The following MANSC4 variants were observed in gnomAD, a reference collection of about 807,000 sequenced individuals.
The protein encoded by MANSC4 is MANSC domain-containing protein 4.
MANSC4 carries 11 observed loss-of-function variants against 11.4 expected under a neutral mutation model. The observed-to-expected ratio is 0.97, with a 90% CI of 0.61 to 1.60. The LOEUF (loss-of-function observed/expected upper bound fraction) is 1.60, where lower values mean the gene tolerates loss of function less well. MANSC4 is among the 40% of genes most tolerant of loss of function. The pLI, the probability that MANSC4 is intolerant of heterozygous loss-of-function variation, is 0.00. For synonymous variants in MANSC4, 123 were observed against 147.1 expected (o/e 0.84, Z 1.19); for missense variants, 354 against 404.6 (o/e 0.88, Z 1.07).
At chr12:27,763,894 C>A (rs2062059819) in intron 3 of MANSC4, among the ~76,000 whole-genome samples, 1 of 151,080 alleles carries the variant, frequency 6.6e-6, no homozygotes, top group African/African-American at 2.5e-5. Context: ...CCACGCCCAG[C>A]TAATTTTTGT....
Position 27,763,396 on chromosome 12 carries a change from C to A in MANSC4, c.365G>T (p.Gly122Val). 2.0e-6 allele frequency: 3 copies of A among 1,532,756 alleles called. No homozygotes were observed. Among genetic ancestry groups the A allele is most frequent in the East Asian group, 2.5e-5 (1 of 40,756 alleles). The allele number at this position is 1,532,756 out of a possible 1,614,324, so 94.9% of individuals were successfully genotyped here. The change falls in exon 4 of 4, where the codon GGT (glycine) becomes GTT (valine). Residue 122 changes from glycine (G) to valine (V), a missense_variant and splice_region_variant. Physicochemically the swap from Gly to Val is moderately radical, Grantham distance 109. Coordinates refer to ENST00000381273, the MANE Select transcript of MANSC4 (RefSeq NM_001146221.5). ...TSAILYNITD[G>V]IDPDLLVFEQ... ...AAAAACCAGCAAATCCGGATCTATA[C>A]CTGAAAAATAAATAAGGCATCATTC...
At position 27,771,082 on chromosome 12, in the gene MANSC4, C is replaced by G. The variant is rs1356918768; in HGVS notation, c.195G>C (p.Gln65His). The stretch of plus-strand genomic sequence containing the variant: ...GAAGACAGCAGCTCCTACTGCACTT[C>G]TGGCCAGTGCTTTCAGAATAATACT... ...FLKYYSESTG[Q>H]KCSRSCCLRK... is the part of the protein sequence containing the mutation. Residue 65 changes from glutamine (Q) to histidine (H), a missense_variant, in exon 2 of 4, where the codon CAG becomes CAC. Gln to His is a conservative substitution (Grantham distance 24). Transcript: ENST00000381273. 2 of 1,551,754 alleles carry G rather than the reference C, an allele frequency of 1.3e-6. No individual in the cohort carries two copies. Among genetic ancestry groups the G allele is most frequent in the African/African-American group, 1.4e-5 (1 of 73,188 alleles).
intron 3 of MANSC4, among the ~76,000 whole-genome samples, chr12:27,763,835 A>G (rs1232041532): frequency 1.3e-5 from 2 of 152,076 alleles, no homozygotes; most frequent in African/African-American, 2.4e-5. Flanking sequence ...GGTTCAAACA[A>G]TCCTCTCACC....
chr12:27,766,522 T>G, intron 3 of MANSC4, 143 bp downstream of exon 3: 1 of 838,930 alleles, frequency 1.2e-6, no homozygotes, highest in Non-Finnish European at 1.8e-6. Flanking sequence ...CTGTCCTAGA[T>G]ATCCAAAATT....
rs868413222 is a variant in MANSC4, at chr12:27,768,417, A to G, written c.230-1618T>C. Among the ~76,000 whole-genome samples the G allele has an allele frequency of 7.7e-3, 731 of 95,490 alleles. 4 individuals carry two copies. Among genetic ancestry groups the G allele is most frequent in the African/African-American group, 0.014 (450 of 31,752 alleles). The allele number at this position is 95,490 out of a possible 152,430, so 62.6% of individuals were successfully genotyped here. A position where few individuals can be genotyped will look rare whatever the true frequency, so the allele number is the denominator to read the frequency against. On this transcript the variant is annotated intron_variant, in intron 2 of 3. Transcript: ENST00000381273. ...GACTCTGTCTCAAAAAAAAAAAAAA[A>G]AAAAAGAAAAAGAAAAAGAAAAAGA...
intron 1 of MANSC4, among the ~76,000 whole-genome samples, chr12:27,777,192 A>G (rs1004391601): frequency 1.3e-5 from 2 of 152,208 alleles, no homozygotes; most frequent in African/African-American, 4.8e-5. Context: ...TGCCTTTCTA[A>G]TGCACATCAT....
chr12:27,768,402 C>CA (rs201953091), intron 2 of MANSC4, among the ~76,000 whole-genome samples: 22,715 of 108,900 alleles, frequency 0.21, 2,990 homozygotes, highest in South Asian at 0.27. Context: ...GACTCTGTCT[C>CA]AAAAAAAAAA....
intron 3 of MANSC4, among the ~76,000 whole-genome samples, chr12:27,763,979 C>T (rs921789458): frequency 1.3e-5 from 2 of 152,112 alleles, no homozygotes; most frequent in African/African-American, 2.4e-5. Context: ...GCGATCCGCC[C>T]GCCTCGGCCT....
At chr12:27,767,471 A>AG (rs1222855461) in intron 2 of MANSC4, among the ~76,000 whole-genome samples, 3 of 152,134 alleles carry the variant, frequency 2.0e-5, no homozygotes, top group South Asian at 4.1e-4. Context: ...TGGGAGGCCG[A>AG]GGGGGGCAGA....
chr12:27,774,972 T>C (rs550613906), intron 1 of MANSC4, among the ~76,000 whole-genome samples: 1 of 151,960 alleles, frequency 6.6e-6, no homozygotes, highest in Admixed American at 6.6e-5. Context: ...TGCAGTGAGC[T>C]GAGATCGCGC....
intron 2 of MANSC4, among the ~76,000 whole-genome samples, chr12:27,770,560 T>A (rs1302838961): frequency 6.6e-6 from 1 of 152,064 alleles, no homozygotes; most frequent in African/African-American, 2.4e-5. Flanking sequence ...AATATTTGAC[T>A]GGGTGCAGTG....
chr12:27,771,347 A>G lies in MANSC4; in HGVS notation c.-71T>C. On this transcript the variant is annotated 5_prime_UTR_variant, in exon 2 of 4. Coordinates refer to ENST00000381273, the MANE Select transcript of MANSC4 (RefSeq NM_001146221.5). ...CAGAAGCTGAACACTGGAGTTTAGGACAGTCTCTGGAACGTCAGAGGTGTT... is the reference window on the plus strand; with the variant it reads ...CAGAAGCTGAACACTGGAGTTTAGGGCAGTCTCTGGAACGTCAGAGGTGTT... 1 of 1,366,634 alleles carries G rather than the reference A, an allele frequency of 7.3e-7. No homozygotes were observed. The highest frequency in any genetic ancestry group is 1.0e-6 in the Non-Finnish European group (1 of 999,880). The allele number at this position is 1,366,634 out of a possible 1,614,324, so 84.7% of individuals were successfully genotyped here.
intron 1 of MANSC4, among the ~76,000 whole-genome samples, 47 bp from the exon 2 acceptor site, chr12:27,771,629 G>C (rs1210262450): frequency 6.6e-6 from 1 of 152,050 alleles, no homozygotes; most frequent in Non-Finnish European, 1.5e-5. Flanking sequence ...AAATATAAAG[G>C]CAAGTGGAAA....
chr12:27,763,878 G>GCGC (rs1172276047), intron 3 of MANSC4, among the ~76,000 whole-genome samples: 2 of 151,860 alleles, frequency 1.3e-5, no homozygotes, highest in Non-Finnish European at 2.9e-5. Flanking sequence ...TTACAGGTGT[G>GCGC]CGCCACCACG....
chr12:27,762,895 A>G lies in MANSC4; in HGVS notation c.866T>C (p.Val289Ala), dbSNP rs1199960957. 2 of 1,552,170 alleles carry G rather than the reference A, an allele frequency of 1.3e-6. No individual in the cohort carries two copies. Among genetic ancestry groups the G allele is most frequent in the Non-Finnish European group, 1.7e-6 (2 of 1,147,126 alleles). ...SVTSKTWLVS[V>A]ALCTSVIFLG... The stretch of plus-strand genomic sequence containing the variant: ...AAAGATGACAGAGGTGCAAAGGGCC[A>G]CAGAAACCAGCCAAGTCTTTGAAGT... Residue 289 changes from valine (V) to alanine (A), a missense_variant, in exon 4 of 4, where the codon GTG becomes GCG. Transcript: ENST00000381273.
At chr12:27,768,457 C>A (rs1387742656) in intron 2 of MANSC4, among the ~76,000 whole-genome samples, 1 of 149,908 alleles carries the variant, frequency 6.7e-6, no homozygotes, top group South Asian at 2.1e-4. Flanking sequence ...GAAAATAGTT[C>A]TCTGACAGAG....
intron 3 of MANSC4, among the ~76,000 whole-genome samples, chr12:27,765,538 A>G (rs759863056): frequency 6.6e-6 from 1 of 152,186 alleles, no homozygotes; most frequent in African/African-American, 2.4e-5. Context: ...AGAACTCATT[A>G]TCTTCTTCTG....
At chr12:27,770,931 G>C (rs2062097576) in intron 2 of MANSC4, 117 bp downstream of exon 2, 1 of 719,006 alleles carries the variant, frequency 1.4e-6, no homozygotes, top group Non-Finnish European at 2.3e-6. Context: ...CACACCCTAG[G>C]GCATCTTCTC....
chr12:27,765,654 C>T (rs1358928898), intron 3 of MANSC4, among the ~76,000 whole-genome samples: 6 of 152,070 alleles, frequency 3.9e-5, no homozygotes, highest in African/African-American at 1.4e-4. Context: ...TTAGTTGTGT[C>T]TTAACAATAA....
Sources: allele counts gnomAD v4.1 joint callset (sites outside exome capture counted in the v4.1 genomes callset), GRCh38; gene constraint gnomAD v4.1.1; transcripts MANE v1.5; gene names NCBI Gene and HGNC (gene_info 2026-07-23, HGNC 2026-07-21).